The following GPR158 variants were observed in gnomAD, a reference collection of about 807,000 sequenced individuals.
The protein encoded by GPR158 is G protein-coupled receptor 158.
In GPR158, 30 loss-of-function variants were observed where a neutral mutation model predicts 78.2. The observed-to-expected ratio is 0.38, with a 90% CI of 0.29 to 0.52. The LOEUF (loss-of-function observed/expected upper bound fraction) is 0.52, where lower values mean the gene tolerates loss of function less well. Ranked by LOEUF, GPR158 falls within the 20% of genes least tolerant of loss-of-function variation. The pLI, the probability that GPR158 is intolerant of heterozygous loss-of-function variation, is 0.83. For missense variants in GPR158, 1,463 were observed against 1,523.5 expected (o/e 0.96, Z 0.66); for synonymous variants, 581 against 591.1 (o/e 0.98, Z 0.25).
intron 5 of GPR158, among the ~76,000 whole-genome samples, chr10:25,526,309 G>T (rs980471836): frequency 6.6e-6 from 1 of 152,044 alleles, no homozygotes. Flanking sequence ...TAGGTAGGGG[G>T]CTACATTACC....
At chr10:25,319,353 G>A (rs186249483) in intron 2 of GPR158, among the ~76,000 whole-genome samples, 55 of 152,234 alleles carry the variant, frequency 3.6e-4, no homozygotes, top group East Asian at 2.1e-3. Context: ...TAGACTGACC[G>A]TTCTGAGAGC....
At chr10:25,209,669 C>T (rs1853100940) in intron 1 of GPR158, among the ~76,000 whole-genome samples, 1 of 152,130 alleles carries the variant, frequency 6.6e-6, no homozygotes, top group South Asian at 2.1e-4. Context: ...TCTTTGGCTC[C>T]AAAATCCTAT....
At chr10:25,336,756 A>G (rs996199098) in intron 2 of GPR158, among the ~76,000 whole-genome samples, 2 of 152,054 alleles carry the variant, frequency 1.3e-5, no homozygotes, top group African/African-American at 4.8e-5. Flanking sequence ...GACAAAATTG[A>G]CACATGAAGA....
At chr10:25,276,030 C>A (rs1854178880) in intron 2 of GPR158, among the ~76,000 whole-genome samples, 1 of 152,072 alleles carries the variant, frequency 6.6e-6, no homozygotes, top group African/African-American at 2.4e-5. Context: ...AGGTCTGTTT[C>A]TATTTATTGT....
chr10:25,391,649 A>G (rs1164260243), intron 2 of GPR158, among the ~76,000 whole-genome samples: 2 of 152,062 alleles, frequency 1.3e-5, no homozygotes, highest in Non-Finnish European at 2.9e-5. Flanking sequence ...CTTGTTTTTG[A>G]TCTTATAGGT....
rs143180265 is a variant in GPR158 at position 25,506,742 on chromosome 10, A to C, written c.1404+40023A>C. On this transcript the variant is annotated intron_variant, in intron 5 of 10. Transcript: ENST00000376351. ...CAGGCCCAGCCAATGTAGCATGAGT[A>C]TGCAGTACTCTGATGATAGTATGCC... is the stretch of plus-strand genomic sequence containing the variant. Among the ~76,000 whole-genome samples, 324 of 152,378 alleles carry C rather than the reference A, an allele frequency of 2.1e-3. 3 individuals carry two copies. Among genetic ancestry groups the C allele is most frequent in the African/African-American group, 7.5e-3 (311 of 41,598 alleles).
intron 5 of GPR158, among the ~76,000 whole-genome samples, chr10:25,543,099 C>T (rs1836610024): frequency 6.6e-6 from 1 of 152,034 alleles, no homozygotes; most frequent in South Asian, 2.1e-4. Flanking sequence ...GTTTCTACCA[C>T]AGCAATACTT....
At chr10:25,195,757 T>G (rs1852835643) in intron 1 of GPR158, among the ~76,000 whole-genome samples, 1 of 152,222 alleles carries the variant, frequency 6.6e-6, no homozygotes, top group Non-Finnish European at 1.5e-5. Context: ...CAAACACATT[T>G]TTCAGACAGG....
intron 2 of GPR158, among the ~76,000 whole-genome samples, chr10:25,309,588 G>T (rs1854734219): frequency 6.6e-6 from 1 of 151,950 alleles, no homozygotes; most frequent in Non-Finnish European, 1.5e-5. Flanking sequence ...TACCTTTACA[G>T]CTTTTGATAT....
chr10:25,449,522 G>A (rs886578743), intron 4 of GPR158, among the ~76,000 whole-genome samples: 1 of 152,124 alleles, frequency 6.6e-6, no homozygotes, highest in African/African-American at 2.4e-5. Context: ...CAAAACATGG[G>A]GAACATCACC....
At position 25,318,158 on chromosome 10, in the gene GPR158, C is replaced by T. The variant is rs188435604; in HGVS notation, c.1009-77753C>T. On this transcript the variant is annotated intron_variant, in intron 2 of 10. Transcript: ENST00000376351. ...ATATAGTTTATTTAATGGATGGCTC[C>T]TTTGGAGCATAGTGATAGGAGGGGA... Among the ~76,000 whole-genome samples the T allele has an allele frequency of 8.8e-4, 134 of 152,260 alleles. 2 individuals carry two copies. The East Asian group carries it at 0.018, about 20-fold the overall frequency.
chr10:25,506,974 T>A (rs1416145834), intron 5 of GPR158, among the ~76,000 whole-genome samples: 3 of 152,242 alleles, frequency 2.0e-5, no homozygotes. Context: ...ACCACTAGGC[T>A]ATGCTGTGAT....
At chr10:25,576,022 G>A (rs1239512750) in intron 7 of GPR158, among the ~76,000 whole-genome samples, 2 of 145,922 alleles carry the variant, frequency 1.4e-5, no homozygotes, top group African/African-American at 5.3e-5. Flanking sequence ...TACCTCCAAA[G>A]TCATTCATTG....
chr10:25,463,906 A>G (rs1272496445), intron 4 of GPR158, among the ~76,000 whole-genome samples: 1 of 152,218 alleles, frequency 6.6e-6, no homozygotes, highest in African/African-American at 2.4e-5. Flanking sequence ...CCAATAAGAC[A>G]GTGGAGGAAA....
At chr10:25,566,646 A>G (rs1162609182) in intron 6 of GPR158, among the ~76,000 whole-genome samples, 1 of 152,240 alleles carries the variant, frequency 6.6e-6, no homozygotes, top group Non-Finnish European at 1.5e-5. Context: ...TTTAGAACCC[A>G]GTTGTGAATT....
chr10:25,447,093 A>G (rs537319283), intron 4 of GPR158, among the ~76,000 whole-genome samples: 2 of 152,346 alleles, frequency 1.3e-5, no homozygotes, highest in Admixed American at 6.5e-5. Flanking sequence ...ATTCACTCAT[A>G]TCAATTGAAT....
At chr10:25,330,835 A>G (rs1031804302) in intron 2 of GPR158, among the ~76,000 whole-genome samples, 1 of 152,224 alleles carries the variant, frequency 6.6e-6, no homozygotes, top group Non-Finnish European at 1.5e-5. Context: ...CCTTAGTAGA[A>G]GGACTTCACA....
In GPR158 at chr10:25,176,674, C is replaced by G. The variant is rs1452288887; in HGVS notation, c.902+352C>G. On this transcript the variant is annotated intron_variant, in intron 1 of 10. Coordinates refer to ENST00000376351, the MANE Select transcript of GPR158 (RefSeq NM_020752.3). This position sits in a 1 kb window ranked among gnomAD's most constrained non-coding sequence, Gnocchi z 6.3. Reference sequence around the variant, plus strand: ...GGGAGGGGCGTTCCCCACCGGGGGGCGATGCGACAACTTGGCGAGCGCCGG... The same window carrying G: ...GGGAGGGGCGTTCCCCACCGGGGGGGGATGCGACAACTTGGCGAGCGCCGG... Among the ~76,000 whole-genome samples, 1 of 152,212 alleles carries G rather than the reference C, an allele frequency of 6.6e-6. No individual in the cohort carries two copies. Among genetic ancestry groups the G allele is most frequent in the Non-Finnish European group, 1.5e-5 (1 of 68,030 alleles).
At chr10:25,482,233 G>T (rs1397921471) in intron 5 of GPR158, among the ~76,000 whole-genome samples, 1 of 151,976 alleles carries the variant, frequency 6.6e-6, no homozygotes, top group African/African-American at 2.4e-5. Flanking sequence ...GCCCAGGCTG[G>T]AGGGCAGTGG....
Sources: gnomAD v4.1 joint callset for allele counts (sites outside exome capture counted in the v4.1 genomes callset) on GRCh38, gnomAD v4.1.1 for gene constraint, Gnocchi (gnomAD v3.1) non-coding constraint, MANE v1.5 for transcripts, NCBI Gene and HGNC (gene_info 2026-07-23, HGNC 2026-07-21) for gene names.